The following ZFHX3 variants were observed in gnomAD, a reference collection of about 807,000 sequenced individuals.
ZFHX3 encodes zinc finger homeobox 3, also known as zinc finger homeobox protein 3.
Under a neutral mutation model 279.1 loss-of-function variants are expected in ZFHX3, and 42 were observed. The observed-to-expected ratio is 0.15, with a 90% CI of 0.12 to 0.19. The LOEUF is 0.19. Among genes scored for constraint, ZFHX3 ranks in the 10% least tolerant of loss-of-function variants. The pLI, the probability that ZFHX3 is intolerant of heterozygous loss-of-function variation, is 1.00. For synonymous variants in ZFHX3, 2,293 were observed against 1,957.8 expected (o/e 1.17, Z -4.52); for missense variants, 4,981 against 4,754.0 (o/e 1.05, Z -1.40).
At chr16:72,967,002 G>T (rs1309160768) in intron 1 of ZFHX3, among the ~76,000 whole-genome samples, 1 of 152,188 alleles carries the variant, frequency 6.6e-6, no homozygotes, top group African/African-American at 2.4e-5. Flanking sequence ...ATTCCTGGGT[G>T]TTATCTATGG....
At chr16:73,556,117 C>T (rs947968108) in intron 2 of ZFHX3, among the ~76,000 whole-genome samples, 15 of 152,022 alleles carry the variant, frequency 9.9e-5, no homozygotes, top group African/African-American at 3.4e-4. Flanking sequence ...ATCTTGTTTC[C>T]GATGTGCGGC....
intron 5 of ZFHX3, among the ~76,000 whole-genome samples, chr16:72,829,036 C>T (rs2037000662): frequency 1.3e-5 from 2 of 151,084 alleles, no homozygotes; most frequent in East Asian, 2.0e-4. Context: ...CACTCTGTCG[C>T]GCAGGCTGGA....
chr16:72,946,277 G>A (rs1366989851), intron 3 of ZFHX3, among the ~76,000 whole-genome samples: 1 of 152,124 alleles, frequency 6.6e-6, no homozygotes, highest in Non-Finnish European at 1.5e-5. Context: ...CTCCTCTCCT[G>A]TGTGCCCTGT....
At chr16:72,947,530 T>C (rs901526508) in intron 3 of ZFHX3, among the ~76,000 whole-genome samples, 1 of 152,168 alleles carries the variant, frequency 6.6e-6, no homozygotes, top group African/African-American at 2.4e-5. Context: ...AATGCAGCTC[T>C]GTCTCCTCCA....
In ZFHX3 at chr16:72,959,944, C is replaced by A; in HGVS notation, c.202G>T (p.Ala68Ser). 6.2e-7 allele frequency: 1 copy of A among 1,600,048 alleles called. No homozygotes were observed. The highest frequency in any genetic ancestry group is 1.1e-5 in the South Asian group (1 of 88,782). The change falls in exon 2 of 10, where the codon GCC (alanine) becomes TCC (serine). Residue 68 changes from alanine (A) to serine (S), a missense_variant. Coordinates refer to ENST00000268489, the MANE Select transcript of ZFHX3 (RefSeq NM_006885.4). ...NERLAESTASAGPPSEPASKE... is the reference protein window; with the variant it reads ...NERLAESTASSGPPSEPASKE... ...CTGGCGGGCTCGGAGGGGGGCCCGG[C>A]CGACGCGGTGCTCTCCGCGAGGCGC...
intron 1 of ZFHX3, among the ~76,000 whole-genome samples, chr16:73,805,827 T>G (rs1960262029): frequency 6.6e-6 from 1 of 152,108 alleles, no homozygotes; most frequent in Non-Finnish European, 1.5e-5. Flanking sequence ...CAGAGGGTGA[T>G]GGGGGTACTT....
intron 5 of ZFHX3, among the ~76,000 whole-genome samples, chr16:73,196,168 A>AG (rs1968145270): frequency 1.4e-5 from 1 of 69,354 alleles, no homozygotes; most frequent in Non-Finnish European, 2.9e-5. Flanking sequence ...TTTTTTTTGG[A>AG]GGGGGGATGG....
chr16:73,723,099 C>T (rs934719612), intron 1 of ZFHX3, among the ~76,000 whole-genome samples: 1 of 152,122 alleles, frequency 6.6e-6, no homozygotes, highest in Non-Finnish European at 1.5e-5. Context: ...TGGCTCAATC[C>T]TACTTCAGAC....
chr16:73,358,916 A>C (rs2143306665), intron 3 of ZFHX3, among the ~76,000 whole-genome samples: 1 of 152,352 alleles, frequency 6.6e-6, no homozygotes, highest in South Asian at 2.1e-4. Context: ...GAGTCACCTT[A>C]TAAAGTGGAT....
intron 5 of ZFHX3, among the ~76,000 whole-genome samples, chr16:72,827,922 C>G (rs1326040426): frequency 6.6e-6 from 1 of 152,182 alleles, no homozygotes; most frequent in Non-Finnish European, 1.5e-5. Flanking sequence ...CCAGGAAACA[C>G]TGAACAGTGG....
intron 2 of ZFHX3, among the ~76,000 whole-genome samples, chr16:73,457,394 T>C (rs2018391633): frequency 1.3e-5 from 2 of 152,160 alleles, no homozygotes. Context: ...GCTGGAAAGT[T>C]TCCTTCTATG....
chr16:72,957,218 A>T (rs754805861), intron 2 of ZFHX3, among the ~76,000 whole-genome samples: 2 of 152,254 alleles, frequency 1.3e-5, no homozygotes, highest in Non-Finnish European at 2.9e-5. Flanking sequence ...GTACAAGCAT[A>T]TCTCTTTTGA....
At chr16:73,462,648 T>C (rs897543290) in intron 2 of ZFHX3, among the ~76,000 whole-genome samples, 1 of 152,228 alleles carries the variant, frequency 6.6e-6, no homozygotes, top group Non-Finnish European at 1.5e-5. Flanking sequence ...AATACTTTTC[T>C]GCATCAATTG....
rs571992204 is a variant in ZFHX3 at position 73,597,184 on chromosome 16, C to T, written c.-1547+82996G>A. Among the ~76,000 whole-genome samples the T allele has an allele frequency of 3.9e-5, 6 of 152,298 alleles. No homozygotes were observed. In the East Asian group the frequency reaches 1.2e-3, roughly 29 times the overall value. On this transcript the variant is annotated intron_variant, in intron 2 of 17. Coordinates refer to the ZFHX3 transcript ENST00000641206. ...GTACGTTATCTCTGTGCATCTCAGTCCTACTTAACTTCTCATTCAGAACCC... is the reference window on the plus strand; with the variant it reads ...GTACGTTATCTCTGTGCATCTCAGTTCTACTTAACTTCTCATTCAGAACCC...
At chr16:73,684,651 A>G (rs887022587) in intron 1 of ZFHX3, among the ~76,000 whole-genome samples, 1 of 151,088 alleles carries the variant, frequency 6.6e-6, no homozygotes, top group East Asian at 1.9e-4. Flanking sequence ...AAATAAAGAG[A>G]TTATCCCAGA....
At chr16:73,516,494 C>T (rs748895204) in intron 2 of ZFHX3, among the ~76,000 whole-genome samples, 37 of 152,120 alleles carry the variant, frequency 2.4e-4, no homozygotes, top group Non-Finnish European at 4.4e-5. Context: ...TGAGATGTGG[C>T]TGCAATAGGG....
At position 72,958,514 on chromosome 16, in the gene ZFHX3, C is replaced by T. The variant is rs200836949; in HGVS notation, c.1632G>A (p.Ser544=). 2.3e-5 allele frequency: 37 copies of T among 1,614,048 alleles called. No homozygotes were observed. In the East Asian group the frequency reaches 2.7e-4, roughly 12 times the overall value. ...PLMPNVLQTL[S]RGTASTSSNS... is the part of the protein sequence containing the mutation. ...TAGAACTAGTAGAAGCTGTGCCCCT[C>T]GACAGGGTCTGGAGCACGTTAGGCA... is the stretch of plus-strand genomic sequence containing the variant. The change falls in exon 2 of 10, where the codon TCG becomes TCA. Residue 544 remains serine, a synonymous_variant. Transcript: ENST00000268489.
rs2144439732 is a variant in ZFHX3 at position 72,958,176 on chromosome 16, C to T, written c.1970G>A (p.Gly657Asp). ...TVLGSSRSLG[G>D]HMTMMHSRNS... Reference sequence around the variant, plus strand: ...ACGAGAATGCATCATGGTCATGTGGCCGCCCAGCGAGCGGGAGGAGCCCAG... The same window carrying T: ...ACGAGAATGCATCATGGTCATGTGGTCGCCCAGCGAGCGGGAGGAGCCCAG... Residue 657 changes from glycine (G) to aspartate (D), a missense_variant, in exon 2 of 10, where the codon GGC becomes GAC. Physicochemically the swap from Gly to Asp is moderately conservative, Grantham distance 94 (BLOSUM62 -1). Around this residue, in one of 7 missense-constraint regions of ZFHX3, gnomAD observed 1,068 missense variants for 935.2 expected, o/e 1.14. Transcript: ENST00000268489. 1.2e-6 allele frequency: 2 copies of T among 1,613,538 alleles called. No homozygotes were observed. Among genetic ancestry groups the T allele is most frequent in the Non-Finnish European group, 8.5e-7 (1 of 1,179,494 alleles).
At chr16:73,601,247 T>C (rs555214461) in intron 2 of ZFHX3, among the ~76,000 whole-genome samples, 3 of 149,890 alleles carry the variant, frequency 2.0e-5, no homozygotes, top group Admixed American at 6.6e-5. Context: ...GGCCAGGAGA[T>C]TGAAACCATC....
Sources: allele counts gnomAD v4.1 joint callset (sites outside exome capture counted in the v4.1 genomes callset), GRCh38; gene constraint gnomAD v4.1.1; regional missense constraint gnomAD v4.1.1; transcripts MANE v1.5; gene names NCBI Gene and HGNC (gene_info 2026-07-23, HGNC 2026-07-21).